PDE11A: variants seen among roughly 807,000 people sequenced by gnomAD.
PDE11A encodes dual 3',5'-cyclic-AMP and -GMP phosphodiesterase 11A.
In PDE11A, 100 loss-of-function variants were observed where a neutral mutation model predicts 100.5. The ratio of observed to expected loss-of-function variants is 1.00; its 90% CI spans 0.85 to 1.18. The LOEUF (loss-of-function observed/expected upper bound fraction) is 1.18, where lower values mean the gene tolerates loss of function less well. Ranked by LOEUF, PDE11A falls within the 50% of genes most tolerant of loss-of-function variation. The pLI is 0.00. For synonymous variants in PDE11A, 381 were observed against 420.8 expected (o/e 0.91, Z 1.16); for missense variants, 1,141 against 1,152.6 (o/e 0.99, Z 0.15).
intron 18 of PDE11A, 43 bp from the exon 19 acceptor site, chr2:177,663,992 G>A (rs769936591): frequency 1.6e-5 from 19 of 1,163,716 alleles, no homozygotes; most frequent in Non-Finnish European, 2.2e-5. Context: ...TTACACCAAA[G>A]TATTTTACAG....
Position 177,935,709 on chromosome 2 carries a change from A to G in PDE11A, c.1072-30522T>C, listed in dbSNP as rs16865933. On this transcript the variant is annotated intron_variant, in intron 2 of 19. Transcript: ENST00000286063. ...GGGGCAGGATGCTCAGGGGCATGCC[A>G]TGGAAGGAGCTTGAGACTTGGAGCC... 6.8e-3 allele frequency among the ~76,000 whole-genome samples: 1,039 copies of G among 152,300 alleles called. 12 individuals carry two copies. The highest frequency in any genetic ancestry group is 0.023 in the African/African-American group (964 of 41,574).
chr2:177,940,630 A>C (rs563028796), intron 2 of PDE11A, among the ~76,000 whole-genome samples: 6 of 152,262 alleles, frequency 3.9e-5, no homozygotes, highest in Non-Finnish European at 8.8e-5. Flanking sequence ...AATACAAGCA[A>C]TTCACTTTGC....
At chr2:177,747,128 G>A (rs1255429320) in intron 10 of PDE11A, among the ~76,000 whole-genome samples, 1 of 152,136 alleles carries the variant, frequency 6.6e-6, no homozygotes, top group Non-Finnish European at 1.5e-5. Context: ...AAGAGTCCTG[G>A]GGAAACACTG....
At chr2:177,634,573 A>G (rs984703606) in intron 19 of PDE11A, among the ~76,000 whole-genome samples, 3 of 151,986 alleles carry the variant, frequency 2.0e-5, no homozygotes, top group African/African-American at 4.8e-5. Context: ...TATTTTTAGT[A>G]GGGACGGGGT....
chr2:177,961,545 A>G (rs1445637161), intron 2 of PDE11A, among the ~76,000 whole-genome samples: 1 of 152,124 alleles, frequency 6.6e-6, no homozygotes, highest in Non-Finnish European at 1.5e-5. Context: ...TCTTGAAACC[A>G]ATTCCCACAT....
chr2:177,914,782 T>C (rs1206305889), intron 2 of PDE11A, among the ~76,000 whole-genome samples: 3 of 152,208 alleles, frequency 2.0e-5, no homozygotes, highest in Non-Finnish European at 4.4e-5. Context: ...GCCTAAGTTT[T>C]TCTTTAAATT....
intron 2 of PDE11A, among the ~76,000 whole-genome samples, chr2:177,989,977 A>G (rs1466645454): frequency 1.3e-5 from 2 of 152,334 alleles, no homozygotes; most frequent in South Asian, 2.1e-4. Flanking sequence ...ATGAAGGGAG[A>G]GAAGGGGGAA....
chr2:178,018,129 A>C (rs191554334), intron 1 of PDE11A: 4 of 280,106 alleles, frequency 1.4e-5, no homozygotes, highest in Non-Finnish European at 2.8e-5. Flanking sequence ...GGTGTGGAGC[A>C]CAGCATGTTC....
chr2:177,814,980 G>A (rs2083014299), intron 9 of PDE11A, among the ~76,000 whole-genome samples: 1 of 152,198 alleles, frequency 6.6e-6, no homozygotes, highest in Non-Finnish European at 1.5e-5. Flanking sequence ...TGAGAAGTGA[G>A]AATATGGGCA....
At chr2:177,826,299 G>T (rs1558958081) in intron 6 of PDE11A, among the ~76,000 whole-genome samples, 1 of 152,114 alleles carries the variant, frequency 6.6e-6, no homozygotes, top group Non-Finnish European at 1.5e-5. Flanking sequence ...GCCTCTCAAA[G>T]GTGGTCAAAG....
intron 19 of PDE11A, among the ~76,000 whole-genome samples, chr2:177,648,627 A>G (rs1396912274): frequency 6.6e-6 from 1 of 152,142 alleles, no homozygotes; most frequent in African/African-American, 2.4e-5. Context: ...ATAATAAGGA[A>G]GGTGAAACTA....
intron 9 of PDE11A, among the ~76,000 whole-genome samples, chr2:177,795,935 C>CTATATATATATATATATATATATATA (rs55861102): frequency 5.9e-5 from 4 of 67,244 alleles, no homozygotes; most frequent in Admixed American, 1.9e-4. Context: ...TTTGTTTAAA[C>CTATATATATATATATATATATATATA]TATATATATA....
chr2:177,656,848 GA>G (rs2080393635), intron 19 of PDE11A, among the ~76,000 whole-genome samples: 1 of 152,226 alleles, frequency 6.6e-6, no homozygotes, highest in African/African-American at 2.4e-5. Flanking sequence ...GGCCAGGGAA[GA>G]TGGACCAAAG....
At chr2:177,882,643 C>A (rs2084362538) in intron 4 of PDE11A, among the ~76,000 whole-genome samples, 1 of 152,126 alleles carries the variant, frequency 6.6e-6, no homozygotes, top group South Asian at 2.1e-4. Flanking sequence ...CAACTGGTTT[C>A]AAGCTTCCTT....
intron 15 of PDE11A, among the ~76,000 whole-genome samples, chr2:177,691,288 A>G (rs2081037522): frequency 6.6e-6 from 1 of 152,182 alleles, no homozygotes; most frequent in Non-Finnish European, 1.5e-5. Context: ...ACTTAGCTCA[A>G]CTTCACACAA....
chr2:177,643,613 TGAG>T (rs2080178118), intron 19 of PDE11A, among the ~76,000 whole-genome samples: 1 of 152,068 alleles, frequency 6.6e-6, no homozygotes, highest in African/African-American at 2.4e-5. Context: ...TATCATTTTC[TGAG>T]GAGAAATTCA....
chr2:177,986,598 G>A (rs1318172677), intron 2 of PDE11A, among the ~76,000 whole-genome samples: 8 of 152,054 alleles, frequency 5.3e-5, no homozygotes, highest in African/African-American at 9.7e-5. Context: ...TTGGGAGGCC[G>A]AGGTGGGAGG....
At chr2:177,773,837 C>T (rs928345759) in intron 9 of PDE11A, among the ~76,000 whole-genome samples, 5 of 152,158 alleles carry the variant, frequency 3.3e-5, no homozygotes, top group African/African-American at 1.2e-4. Flanking sequence ...GGCCCTATTG[C>T]TAAACCACAG....
intron 5 of PDE11A, among the ~76,000 whole-genome samples, chr2:177,854,418 C>G (rs1477665865): frequency 6.6e-6 from 1 of 152,072 alleles, no homozygotes; most frequent in Non-Finnish European, 1.5e-5. Flanking sequence ...AGATACACAA[C>G]TTCATTACCA....
Sources: gnomAD v4.1 joint callset for allele counts (sites outside exome capture counted in the v4.1 genomes callset) on GRCh38, gnomAD v4.1.1 for gene constraint, MANE v1.5 for transcripts, NCBI Gene and HGNC (gene_info 2026-07-23, HGNC 2026-07-21) for gene names.